SMOC1: variants seen among roughly 807,000 people sequenced by gnomAD.
The protein encoded by SMOC1 is SPARC-related modular calcium-binding protein 1.
In SMOC1, 22 loss-of-function variants were observed where a neutral mutation model predicts 56.3. The ratio of observed to expected loss-of-function variants is 0.39; its 90% confidence interval spans 0.28 to 0.56. The LOEUF is 0.56. Among genes scored for constraint, SMOC1 ranks in the 20% least tolerant of loss-of-function variants. The probability of loss-of-function intolerance (pLI) is 0.61; values close to 1 mark genes in which losing one functional copy is unlikely to be tolerated. For synonymous variants in SMOC1, 193 were observed against 215.0 expected (o/e 0.90, Z 0.89); for missense variants, 509 against 565.4 (o/e 0.90, Z 1.01).
At chr14:69,918,346 C>T (rs1371998356) in intron 1 of SMOC1, among the ~76,000 whole-genome samples, 1 of 152,008 alleles carries the variant, frequency 6.6e-6, no homozygotes, top group Non-Finnish European at 1.5e-5. Context: ...CTCCTGCCTC[C>T]ACCTCTGAGC....
chr14:69,889,317 GA>G (rs1360025812), intron 1 of SMOC1, among the ~76,000 whole-genome samples: 1 of 152,158 alleles, frequency 6.6e-6, no homozygotes, highest in Non-Finnish European at 1.5e-5. Flanking sequence ...AAAAGGTTCA[GA>G]TGTTACCTCC....
intron 1 of SMOC1, chr14:69,886,072 C>T (rs1485469761): frequency 1.0e-5 from 16 of 1,580,910 alleles, no homozygotes; most frequent in Non-Finnish European, 1.1e-5. Context: ...CTTTCTTAGC[C>T]TCCTGCTTCT....
chr14:69,952,988 T>C (rs1475795823), intron 2 of SMOC1, among the ~76,000 whole-genome samples: 2 of 152,170 alleles, frequency 1.3e-5, no homozygotes, highest in East Asian at 3.8e-4. Context: ...CCGGACTGCT[T>C]AGAGCCATCA....
chr14:69,961,353 C>T (rs1374662831), intron 3 of SMOC1, among the ~76,000 whole-genome samples: 1 of 129,978 alleles, frequency 7.7e-6, no homozygotes, highest in Non-Finnish European at 1.6e-5. Flanking sequence ...AGCTGATGGA[C>T]ATTTGGGTTG....
Position 69,989,822 on chromosome 14 carries a change from T to C in SMOC1, c.527-2595T>C, listed in dbSNP as rs113977292. 7.0e-4 allele frequency among the ~76,000 whole-genome samples: 107 copies of C among 152,246 alleles called. 1 individual carries two copies. Among genetic ancestry groups the C allele is most frequent in the African/African-American group, 2.5e-3 (102 of 41,542 alleles). ...AGACCTTGGACCTAGGCCTTGGACT[T>C]GTGTTTGGTAGAAGAGGTGCTCTTA... is the stretch of plus-strand genomic sequence containing the variant. On this transcript the variant is annotated intron_variant, in intron 5 of 11. Coordinates refer to ENST00000361956, the MANE Select transcript of SMOC1 (RefSeq NM_001034852.3).
intron 1 of SMOC1, among the ~76,000 whole-genome samples, chr14:69,918,044 A>G (rs1042300200): frequency 1.3e-5 from 2 of 152,330 alleles, no homozygotes; most frequent in South Asian, 2.1e-4. Flanking sequence ...GCAGTGATCT[A>G]TATACACATC....
chr14:69,993,989 C>T (rs537468095), intron 6 of SMOC1, among the ~76,000 whole-genome samples: 2 of 152,280 alleles, frequency 1.3e-5, no homozygotes, highest in South Asian at 2.1e-4. Context: ...GGAGCAATCT[C>T]GGCTCAGCCG....
intron 11 of SMOC1, among the ~76,000 whole-genome samples, chr14:70,029,520 A>G (rs1223111668): frequency 2.0e-5 from 3 of 152,226 alleles, no homozygotes; most frequent in Non-Finnish European, 4.4e-5. Flanking sequence ...AGACACTCAC[A>G]GAGCAAAAAG....
chr14:70,019,008 C>A lies in SMOC1; in HGVS notation c.1047-4195C>A, dbSNP rs533728944. ...AACTGCTTAGGACAGCAGAACTGGG[C>A]CCGAGATCTTGGCCAAAGCAGGTTT... On this transcript the variant is annotated intron_variant, in intron 10 of 11. Coordinates refer to ENST00000361956, the MANE Select transcript of SMOC1 (RefSeq NM_001034852.3). Among the ~76,000 whole-genome samples the A allele has an allele frequency of 1.2e-4, 19 of 152,310 alleles. No homozygotes were observed. In the South Asian group the frequency reaches 2.9e-3, roughly 23 times the overall value.
intron 1 of SMOC1, among the ~76,000 whole-genome samples, chr14:69,937,109 G>A (rs181445100): frequency 6.6e-6 from 1 of 152,276 alleles, no homozygotes; most frequent in African/African-American, 2.4e-5. Context: ...AAAAGCCTGT[G>A]GAGTTCCCGT....
In SMOC1 at chr14:69,928,526, G is replaced by A. The variant is rs529583895; in HGVS notation, c.100-23612G>A. Among the ~76,000 whole-genome samples the A allele has an allele frequency of 3.2e-4, 49 of 152,198 alleles. No homozygotes were observed. The South Asian group carries it at 1.0e-2, about 31-fold the overall frequency. On this transcript the variant is annotated intron_variant, in intron 1 of 11. Transcript: ENST00000361956. ...TATAGCTGGATTTGCAAACTCCAGC[G>A]AGGTTCCAGCTCTGGATCTTCCTGA... is the stretch of plus-strand genomic sequence containing the variant.
At chr14:70,013,327 A>G (rs1461780806) in intron 9 of SMOC1, 59 bp from the exon 10 acceptor site, 1 of 1,456,530 alleles carries the variant, frequency 6.9e-7, no homozygotes, top group Non-Finnish European at 9.6e-7. Flanking sequence ...GGTAGTTGAG[A>G]AAGCTGTTGA....
intron 10 of SMOC1, among the ~76,000 whole-genome samples, chr14:70,020,486 G>A (rs188331526): frequency 4.6e-5 from 7 of 152,258 alleles, no homozygotes; most frequent in African/African-American, 1.4e-4. Flanking sequence ...CATGCTAGCT[G>A]GGAAGGAGGA....
At chr14:69,963,175 T>G (rs1883445290) in intron 3 of SMOC1, among the ~76,000 whole-genome samples, 1 of 152,118 alleles carries the variant, frequency 6.6e-6, no homozygotes, top group African/African-American at 2.4e-5. Context: ...AGATGAGGGT[T>G]GTTCTGCACC....
intron 5 of SMOC1, among the ~76,000 whole-genome samples, chr14:69,987,956 C>T (rs558048797): frequency 8.5e-5 from 13 of 152,306 alleles, no homozygotes; most frequent in African/African-American, 2.2e-4. Context: ...GGGGAATCTC[C>T]GGAGGCCAAA....
chr14:69,914,992 A>G (rs2139354428), intron 1 of SMOC1, among the ~76,000 whole-genome samples: 1 of 151,920 alleles, frequency 6.6e-6, no homozygotes, highest in South Asian at 2.1e-4. Context: ...TCAGCCTCCC[A>G]GGTAGCTGGA....
chr14:69,885,245 A>C, intron 1 of SMOC1: 15 of 738,614 alleles, frequency 2.0e-5, no homozygotes, highest in Non-Finnish European at 2.7e-5. Context: ...AGGAACGATT[A>C]CTCTCTCCTT....
chr14:69,881,921 G>C (rs1252507864), intron 1 of SMOC1, among the ~76,000 whole-genome samples: 1 of 152,186 alleles, frequency 6.6e-6, no homozygotes, highest in African/African-American at 2.4e-5. Flanking sequence ...ACTTGCCTGA[G>C]CTTCCAGTTT....
chr14:69,982,348 G>A (rs760685513), intron 5 of SMOC1, among the ~76,000 whole-genome samples: 15 of 152,366 alleles, frequency 9.8e-5, no homozygotes, highest in Non-Finnish European at 2.1e-4. Context: ...CTGTTCCATA[G>A]TATGTGCTCC....
Sources: allele counts gnomAD v4.1 joint callset (sites outside exome capture counted in the v4.1 genomes callset), GRCh38; gene constraint gnomAD v4.1.1; transcripts MANE v1.5; gene names NCBI Gene and HGNC (gene_info 2026-07-23, HGNC 2026-07-21).